ZNF608: variants seen among roughly 807,000 people sequenced by gnomAD.
ZNF608 encodes renal carcinoma antigen NY-REN-36.
ZNF608 carries 12 observed loss-of-function variants against 109.0 expected under a neutral mutation model. That is an observed-to-expected ratio of 0.11 (90% CI 0.07 to 0.18). ZNF608 has a LOEUF of 0.18. Among genes scored for constraint, ZNF608 ranks in the 10% least tolerant of loss-of-function variants. The pLI is 1.00. For synonymous variants in ZNF608, 732 were observed against 717.4 expected, an observed-to-expected ratio of 1.02 and a Z score of -0.33; for missense variants, 1,707 against 1,879.3, an observed-to-expected ratio of 0.91 and a Z score of 1.70.
In ZNF608 at chr5:124,730,009, A is replaced by G. The variant is rs546425676; in HGVS notation, c.906+14075T>C. Among the ~76,000 whole-genome samples the G allele has an allele frequency of 5.9e-5, 9 of 152,386 alleles. No homozygotes were observed. In the East Asian group the frequency reaches 1.2e-3, roughly 20 times the overall value. ...CCTCACTGCACAGATTTGTACAATT[A>G]GTATTATTCCTTAGATCCTGAAGCA... On this transcript the variant is annotated intron_variant, in intron 2 of 9. Coordinates refer to ENST00000513986, the MANE Select transcript of ZNF608 (RefSeq NM_020747.3).
intron 2 of ZNF608, among the ~76,000 whole-genome samples, chr5:124,717,745 A>G (rs901047108): frequency 1.3e-5 from 2 of 152,120 alleles, no homozygotes; most frequent in Non-Finnish European, 2.9e-5. Flanking sequence ...TGTAGCCAAT[A>G]AAGACCCAAA....
intron 3 of ZNF608, among the ~76,000 whole-genome samples, chr5:124,663,059 A>C (rs1222162143): frequency 1.3e-5 from 2 of 152,180 alleles, no homozygotes; most frequent in East Asian, 3.8e-4. Flanking sequence ...TTTCCTTCTG[A>C]TGTCCTTTGC....
intron 3 of ZNF608, among the ~76,000 whole-genome samples, chr5:124,680,869 G>T (rs149732538): frequency 2.2e-4 from 33 of 152,028 alleles, no homozygotes; most frequent in Admixed American, 1.2e-3. Flanking sequence ...AATAAAAAGC[G>T]CTTAGAAATT....
chr5:124,693,160 T>G (rs1468388580), intron 3 of ZNF608, among the ~76,000 whole-genome samples: 1 of 152,234 alleles, frequency 6.6e-6, no homozygotes, highest in Non-Finnish European at 1.5e-5. Flanking sequence ...GTTATGTGAA[T>G]TATATCTCAA....
In ZNF608 at chr5:124,642,384, T is replaced by A. The variant is rs983260501; in HGVS notation, c.4297-979A>T. ...CTCACTCCTAAGCCACATGACTTAC[T>A]CTTGCAAATGAGCCTCACACTGTAC... is the stretch of plus-strand genomic sequence containing the variant. On this transcript the variant is annotated intron_variant, in intron 7 of 9. Transcript: ENST00000513986. 2.0e-5 allele frequency among the ~76,000 whole-genome samples: 3 copies of A among 152,182 alleles called. No homozygotes were observed. The East Asian group carries it at 5.8e-4, about 29-fold the overall frequency.
chr5:124,747,558 A>T (rs1580735565), upstream of ZNF608, among the ~76,000 whole-genome samples: 1 of 151,646 alleles, frequency 6.6e-6, no homozygotes, highest in Non-Finnish European at 1.5e-5. Context: ...GTATCAAGAA[A>T]ATACTGATCT....
At chr5:124,720,226 G>C (rs188020206) in intron 2 of ZNF608, among the ~76,000 whole-genome samples, 1 of 152,168 alleles carries the variant, frequency 6.6e-6, no homozygotes, top group Non-Finnish European at 1.5e-5. Context: ...GGGGGCAAGC[G>C]GGGTGTCTCA....
In ZNF608 at chr5:124,643,610, G is replaced by A; in HGVS notation, c.4197C>T (p.Val1399=). 2 of 1,614,148 alleles carry A rather than the reference G, an allele frequency of 1.2e-6. No homozygotes were observed. Among genetic ancestry groups the A allele is most frequent in the Non-Finnish European group, 1.7e-6 (2 of 1,180,016 alleles). The part of the protein sequence containing the change: ...KMSGREETEK[V]NTSPSVNTKT... ...TCGTGTTGACGCTAGGGCTGGTATT[G>A]ACTTTCTCTGTCTCTTCTCTCCCTG... Residue 1399 remains valine, a synonymous_variant, in exon 7 of 10, where the codon GTC becomes GTT. Coordinates refer to ENST00000513986, the MANE Select transcript of ZNF608 (RefSeq NM_020747.3).
rs1264853751 is a variant in ZNF608, at chr5:124,746,514, TA to T, written c.-504del. The T allele has an allele frequency of 5.1e-6, 5 of 985,362 alleles. No individual in the cohort carries two copies. The highest frequency in any genetic ancestry group is 2.3e-4 in the East Asian group (2 of 8,810). The allele number at this position is 985,362 out of a possible 1,614,324, so 61.0% of individuals were successfully genotyped here. On this transcript the variant is annotated 5_prime_UTR_variant, in exon 1 of 10. Transcript: ENST00000513986. ...ACAAGCATCGAGAATAATAGTTTTT[TA>T]AAAAACAGAGAGTTTAGAGAAAAAA... is the stretch of plus-strand genomic sequence containing the variant.
chr5:124,706,810 G>C (rs1255565568), intron 2 of ZNF608, among the ~76,000 whole-genome samples: 1 of 152,170 alleles, frequency 6.6e-6, no homozygotes, highest in Non-Finnish European at 1.5e-5. Context: ...AAGAACAGAC[G>C]CGCGGCAGTC....
Position 124,744,801 on chromosome 5 carries a change from C to G in ZNF608, c.189G>C (p.Lys63Asn), listed in dbSNP as rs1261831471. 1.2e-6 allele frequency: 2 copies of G among 1,614,228 alleles called. No homozygotes were observed. Among genetic ancestry groups the G allele is most frequent in the Non-Finnish European group, 8.5e-7 (1 of 1,180,038 alleles). The change falls in exon 2 of 10, where the codon AAG (lysine) becomes AAC (asparagine). Residue 63 changes from lysine to asparagine, a missense_variant. Physicochemically the swap from Lys to Asn is moderately conservative, Grantham distance 94. This residue lies in a region of ZNF608 where 407 missense variants were observed against 398.7 expected (regional missense o/e 1.02). Transcript: ENST00000513986. The surrounding 1 kb of genome is among the most constrained non-coding windows in gnomAD (Gnocchi z 4.5). ...STTTTSSSNS[K>N]DCGGPASSGA... ...CACTGGAGGCCGGACCTCCACAATC[C>G]TTGGAGTTGCTGCTACTAGTGGTGG...
At chr5:124,657,142 T>C (rs1170126230) in intron 3 of ZNF608, among the ~76,000 whole-genome samples, 1 of 152,134 alleles carries the variant, frequency 6.6e-6, no homozygotes, top group South Asian at 2.1e-4. Context: ...TTCCCACTTC[T>C]AGAAGATACA....
At chr5:124,676,881 G>C (rs1050635999) in intron 3 of ZNF608, among the ~76,000 whole-genome samples, 1 of 152,176 alleles carries the variant, frequency 6.6e-6, no homozygotes, top group Non-Finnish European at 1.5e-5. Flanking sequence ...AGAGGTATAT[G>C]ATAAAACATG....
At chr5:124,731,196 C>T (rs1395677801) in intron 2 of ZNF608, among the ~76,000 whole-genome samples, 6 of 152,136 alleles carry the variant, frequency 3.9e-5, no homozygotes, top group Admixed American at 3.9e-4. Flanking sequence ...TACTTAGTGA[C>T]TATGGCAGTG....
chr5:124,660,213 A>G lies in ZNF608; in HGVS notation c.1163-10516T>C, dbSNP rs530284447. ...GTGTGTGAGAGAGAGAATGGGAGAGATCTGCATGTATATGGCACACAAAGG... is the reference window on the plus strand; with the variant it reads ...GTGTGTGAGAGAGAGAATGGGAGAGGTCTGCATGTATATGGCACACAAAGG... On this transcript the variant is annotated intron_variant, in intron 3 of 9. Transcript: ENST00000513986. Among the ~76,000 whole-genome samples the G allele has an allele frequency of 3.7e-4, 56 of 152,200 alleles. 1 individual carries two copies. The South Asian group carries it at 0.011, about 31-fold the overall frequency.
At chr5:124,696,550 G>C (rs1752857815) in intron 3 of ZNF608, among the ~76,000 whole-genome samples, 1 of 152,162 alleles carries the variant, frequency 6.6e-6, no homozygotes. Flanking sequence ...ACTCACTTGA[G>C]AAATCAACAG....
chr5:124,697,879 T>C (rs1411231541), intron 3 of ZNF608, among the ~76,000 whole-genome samples: 2 of 152,116 alleles, frequency 1.3e-5, no homozygotes, highest in Admixed American at 6.6e-5. Context: ...AATTCTAGGA[T>C]CTTAAAACAC....
At chr5:124,721,799 G>A (rs911808231) in intron 2 of ZNF608, among the ~76,000 whole-genome samples, 2 of 151,300 alleles carry the variant, frequency 1.3e-5, no homozygotes, top group Non-Finnish European at 2.9e-5. Flanking sequence ...TTACCCAGGC[G>A]AGGTGGCGGG....
intron 3 of ZNF608, among the ~76,000 whole-genome samples, chr5:124,652,885 C>T (rs1246064381): frequency 6.6e-6 from 1 of 152,192 alleles, no homozygotes; most frequent in African/African-American, 2.4e-5. Context: ...CTATTTCTCA[C>T]ATGTGAATTG....
Sources: allele counts gnomAD v4.1 joint callset (sites outside exome capture counted in the v4.1 genomes callset), GRCh38; gene constraint gnomAD v4.1.1; regional missense constraint gnomAD v4.1.1; non-coding constraint Gnocchi (gnomAD v3.1); transcripts MANE v1.5; gene names NCBI Gene and HGNC (gene_info 2026-07-23, HGNC 2026-07-21).